Variants in ZNF423 observed in about 807,000 individuals in gnomAD.
ZNF423 encodes zinc finger protein 423, also known as Ebf-associated zinc finger protein.
Under a neutral mutation model 95.8 loss-of-function variants are expected in ZNF423, and 12 were observed. That is an observed-to-expected ratio of 0.13 (90% confidence interval 0.08 to 0.20). ZNF423 has a LOEUF of 0.20. Ranked by LOEUF, ZNF423 falls within the 10% of genes least tolerant of loss-of-function variation. ZNF423 has a pLI of 1.00. For missense variants in ZNF423, 1,316 were observed against 1,737.1 expected (o/e 0.76, Z 4.31); for synonymous variants, 749 against 711.9 (o/e 1.05, Z -0.83).
chr16:49,753,984 T>C (rs1435609580), intron 2 of ZNF423, among the ~76,000 whole-genome samples: 2 of 149,714 alleles, frequency 1.3e-5, no homozygotes, highest in Admixed American at 1.3e-4. Context: ...AGAGCTGAGA[T>C]TGCGCCACTA....
intron 6 of ZNF423, 125 bp downstream of exon 6, chr16:49,525,238 G>C (rs753793146): frequency 7.1e-7 from 1 of 1,405,818 alleles, no homozygotes; most frequent in East Asian, 2.3e-5. Context: ...TATCCCCAAC[G>C]GAGTCCTGGT....
intron 2 of ZNF423, among the ~76,000 whole-genome samples, chr16:49,772,356 C>T (rs531254496): frequency 2.6e-5 from 4 of 152,320 alleles, no homozygotes; most frequent in Non-Finnish European, 5.9e-5. Context: ...TCAGTCCAGC[C>T]ATCAAAATGC....
At chr16:49,700,255 C>T (rs1341466681) in intron 3 of ZNF423, among the ~76,000 whole-genome samples, 1 of 145,748 alleles carries the variant, frequency 6.9e-6, no homozygotes, top group Non-Finnish European at 1.5e-5. Context: ...AAGAAAAAAG[C>T]AGAATGCACT....
chr16:49,750,794 C>T (rs1019647896), intron 2 of ZNF423, among the ~76,000 whole-genome samples: 3 of 152,298 alleles, frequency 2.0e-5, no homozygotes, highest in African/African-American at 7.2e-5. Flanking sequence ...GGCTGGAAGA[C>T]GCCAGCTCCA....
At chr16:49,741,475 C>A (rs2033413568) in intron 2 of ZNF423, among the ~76,000 whole-genome samples, 1 of 151,836 alleles carries the variant, frequency 6.6e-6, no homozygotes, top group Non-Finnish European at 1.5e-5. Context: ...CCACTGCACT[C>A]CAGCCTGGGC....
At chr16:49,836,381 G>A (rs769612989) in intron 1 of ZNF423, among the ~76,000 whole-genome samples, 39 of 152,068 alleles carry the variant, frequency 2.6e-4, no homozygotes, top group Non-Finnish European at 4.9e-4. Context: ...TGGCATGGAG[G>A]GAAGGGGGAC....
At chr16:49,726,587 G>A (rs1437740848) in intron 3 of ZNF423, among the ~76,000 whole-genome samples, 2 of 152,084 alleles carry the variant, frequency 1.3e-5, no homozygotes, top group Admixed American at 6.5e-5. Context: ...AGTGAGACCT[G>A]AATTGACAGG....
chr16:49,544,834 CCTT>C (rs1245636101), intron 5 of ZNF423, among the ~76,000 whole-genome samples: 1 of 152,260 alleles, frequency 6.6e-6, no homozygotes, highest in Non-Finnish European at 1.5e-5. Flanking sequence ...GGGATCGCAT[CCTT>C]CTTCTATTCT....
chr16:49,772,204 C>T lies in ZNF423; in HGVS notation c.100+17283G>A, dbSNP rs113713705. On this transcript the variant is annotated intron_variant, in intron 2 of 7. Transcript: ENST00000563137. Reference sequence around the variant, plus strand: ...CTGAAGGCGCAAGAAACAGGAGTGCCGACGTCCAAGGGCAGGAGAAGACGG... The same window carrying T: ...CTGAAGGCGCAAGAAACAGGAGTGCTGACGTCCAAGGGCAGGAGAAGACGG... Among the ~76,000 whole-genome samples the T allele has an allele frequency of 9.2e-5, 14 of 152,292 alleles. 1 individual carries two copies. The highest frequency in any genetic ancestry group is 2.4e-4 in the African/African-American group (10 of 41,560).
intron 7 of ZNF423, among the ~76,000 whole-genome samples, chr16:49,504,049 C>A (rs2151666652): frequency 6.6e-6 from 1 of 152,198 alleles, no homozygotes; most frequent in East Asian, 1.9e-4. Context: ...CTAAAACAGC[C>A]AAATCATAGA....
chr16:49,493,506 T>C (rs1967050679), intron 7 of ZNF423, among the ~76,000 whole-genome samples: 1 of 151,792 alleles, frequency 6.6e-6, no homozygotes, highest in African/African-American at 2.4e-5. Flanking sequence ...AACTTGGAGG[T>C]CTGCACTTTC....
At chr16:49,498,834 G>A (rs141297083) in intron 7 of ZNF423, among the ~76,000 whole-genome samples, 75 of 152,278 alleles carry the variant, frequency 4.9e-4, no homozygotes, top group African/African-American at 1.4e-3. Context: ...GGTCTAAGAC[G>A]AACAGATGGC....
chr16:49,647,765 C>A (rs572590984), intron 3 of ZNF423, among the ~76,000 whole-genome samples: 1 of 152,352 alleles, frequency 6.6e-6, no homozygotes, highest in Non-Finnish European at 1.5e-5. Context: ...CTGGGTCAGA[C>A]TTCTGACCTA....
chr16:49,752,961 C>A (rs1195107925), intron 2 of ZNF423, among the ~76,000 whole-genome samples: 1 of 152,154 alleles, frequency 6.6e-6, no homozygotes, highest in Non-Finnish European at 1.5e-5. Context: ...ATCAGAAAAT[C>A]GACCAGGCAC....
chr16:49,858,090 C>A (rs1015856410), upstream of ZNF423, among the ~76,000 whole-genome samples: 3 of 152,106 alleles, frequency 2.0e-5, no homozygotes, highest in Non-Finnish European at 2.9e-5. The surrounding 1 kb of genome is among the most constrained non-coding windows in gnomAD (Gnocchi z 4.3). Context: ...AGCGGGTGCA[C>A]GGCGCGGCGC....
At chr16:49,621,085 G>A (rs527364464) in intron 5 of ZNF423, among the ~76,000 whole-genome samples, 14 of 152,276 alleles carry the variant, frequency 9.2e-5, no homozygotes, top group East Asian at 3.9e-4. Context: ...TTCCTGGGGC[G>A]GCAGAGGTGG....
At chr16:49,839,601 G>A (rs1443971242) in intron 1 of ZNF423, among the ~76,000 whole-genome samples, 12 of 152,186 alleles carry the variant, frequency 7.9e-5, no homozygotes, top group Admixed American at 7.2e-4. Flanking sequence ...GGTCCCCAGG[G>A]CAAGACTGGG....
In ZNF423 at chr16:49,488,701, T is replaced by C. The variant is rs1409999132; in HGVS notation, c.*2574A>G. On this transcript the variant is annotated 3_prime_UTR_variant, in exon 8 of 8. Transcript: ENST00000563137. Reference sequence around the variant, plus strand: ...TCACAGTTGAAAGGCAAGTGTCTCATCCCAGCTCCAGACCTTTCCTCTGGA... The same window carrying C: ...TCACAGTTGAAAGGCAAGTGTCTCACCCCAGCTCCAGACCTTTCCTCTGGA... The C allele has an allele frequency of 6.6e-6, 1 of 152,292 alleles. No individual in the cohort carries two copies. Among genetic ancestry groups the C allele is most frequent in the African/African-American group, 2.4e-5 (1 of 41,434 alleles). The allele number at this position is 152,292 out of a possible 1,614,324, so 9.4% of individuals were successfully genotyped here. A position where few individuals can be genotyped will look rare whatever the true frequency, so the allele number is the denominator to read the frequency against.
intron 5 of ZNF423, among the ~76,000 whole-genome samples, chr16:49,622,150 C>T (rs1972104422): frequency 6.6e-6 from 1 of 152,206 alleles, no homozygotes; most frequent in Non-Finnish European, 1.5e-5. Context: ...GAAACTGCTG[C>T]TGCTGCTAAG....
Sources: gnomAD v4.1 joint callset for allele counts (sites outside exome capture counted in the v4.1 genomes callset) on GRCh38, gnomAD v4.1.1 for gene constraint, Gnocchi (gnomAD v3.1) non-coding constraint, MANE v1.5 for transcripts, NCBI Gene and HGNC (gene_info 2026-07-23, HGNC 2026-07-21) for gene names.